CCN6: variants seen among roughly 807,000 people sequenced by gnomAD.
CCN6 encodes CCN family member 6.
CCN6 carries 31 observed loss-of-function variants against 37.4 expected under a neutral mutation model. The ratio of observed to expected loss-of-function variants is 0.83; its 90% CI spans 0.62 to 1.12. CCN6 has a LOEUF of 1.12. Among genes scored for constraint, CCN6 ranks in the 50% most tolerant of loss-of-function variants. The pLI, the probability that CCN6 is intolerant of heterozygous loss-of-function variation, is 0.00. For synonymous variants in CCN6, 137 were observed against 142.1 expected, an observed-to-expected ratio of 0.96 and a Z score of 0.26; for missense variants, 369 against 413.8, an observed-to-expected ratio of 0.89 and a Z score of 0.94.
At chr6:112,056,130 A>ATAAG (rs1776342142) in intron 1 of CCN6, among the ~76,000 whole-genome samples, 2 of 152,192 alleles carry the variant, frequency 1.3e-5, no homozygotes, top group African/African-American at 4.8e-5. Flanking sequence ...AGTGAAAAAT[A>ATAAG]TAAGATTCTT....
At position 112,061,065 on chromosome 6, in the gene CCN6, A is replaced by G. The variant is rs1554312727; in HGVS notation, c.123A>G (p.Ala41=). 6.2e-7 allele frequency: 1 copy of G among 1,614,188 alleles called. No individual in the cohort carries two copies. Among genetic ancestry groups the G allele is most frequent in the South Asian group, 1.1e-5 (1 of 91,088 alleles). ...PEGRPGEVSD[A]PQRKQFCHWP... is the part of the protein sequence containing the mutation. ...GAAGGCCTGGAGAAGTGTCAGATGC[A>G]CCTCAGCGTAAACAGTTTTGTCACT... Residue 41 remains alanine (A), a synonymous_variant, in exon 2 of 5, where the codon GCA becomes GCG. Coordinates refer to ENST00000368666, the MANE Select transcript of CCN6 (RefSeq NM_198239.2).
At position 112,064,866 on chromosome 6, in the gene CCN6, C is replaced by T. The variant is rs782423199; in HGVS notation, c.458C>T (p.Thr153Ile). 6.2e-7 allele frequency: 1 copy of T among 1,614,116 alleles called. No individual in the cohort carries two copies. Among genetic ancestry groups the T allele is most frequent in the South Asian group, 1.1e-5 (1 of 91,086 alleles). ...TGTGTGAGTGGGGCCATTGGATGCA[C>T]ACCTCTGTTCATACCAAAGCTGGCT... ...CLCVSGAIGC[T>I]PLFIPKLAGS... The change falls in exon 3 of 5, where the codon ACA (threonine) becomes ATA (isoleucine). Residue 153 changes from threonine to isoleucine, a missense_variant. Transcript: ENST00000368666.
intron 1 of CCN6, among the ~76,000 whole-genome samples, chr6:112,059,857 A>T (rs587677644): frequency 1.3e-5 from 2 of 152,244 alleles, no homozygotes; most frequent in Admixed American, 1.3e-4. Flanking sequence ...TGGTGCAGGT[A>T]TCAGAAAGTA....
At chr6:112,063,073 T>C (rs1276741023) in intron 2 of CCN6, among the ~76,000 whole-genome samples, 1 of 152,204 alleles carries the variant, frequency 6.6e-6, no homozygotes, top group Admixed American at 6.6e-5. Context: ...GTGTCATTGT[T>C]TTACATTTTT....
chr6:112,056,692 T>A (rs1183484632), intron 1 of CCN6, among the ~76,000 whole-genome samples: 2 of 152,096 alleles, frequency 1.3e-5, no homozygotes, highest in Admixed American at 1.3e-4. Flanking sequence ...AGTTTTTGTA[T>A]TTTTAGTAGA....
Position 112,054,121 on chromosome 6 carries a change from C to A in CCN6, c.-237C>A. The A allele has an allele frequency of 1.5e-6, 1 of 685,188 alleles. No individual in the cohort carries two copies. The allele number at this position is 685,188 out of a possible 1,614,324, so 42.4% of individuals were successfully genotyped here. A position where few individuals can be genotyped will look rare whatever the true frequency, so the allele number is the denominator to read the frequency against. ...GCTCGCCCATTCCTGACCTGTGACA[C>A]GCTCACTGCGAAGGCAGGTTATTAG... On this transcript the variant is annotated 5_prime_UTR_variant, in exon 1 of 5. Transcript: ENST00000368666.
chr6:112,052,942 C>A (rs1201389932), upstream of CCN6, among the ~76,000 whole-genome samples: 2 of 152,194 alleles, frequency 1.3e-5, no homozygotes, highest in Non-Finnish European at 2.9e-5. Context: ...TCAGCTCAGG[C>A]CTAAGCGAGG....
chr6:112,067,401 A>G lies in CCN6; in HGVS notation c.590-804A>G, dbSNP rs1308193307. On this transcript the variant is annotated intron_variant, in intron 3 of 4. Coordinates refer to ENST00000368666, the MANE Select transcript of CCN6 (RefSeq NM_198239.2). ...AAGAAGAAGCTCCCAGTGACCTTAC[A>G]TGGAAATGGGAGCATTATTAGACCC... 2.6e-5 allele frequency among the ~76,000 whole-genome samples: 4 copies of G among 152,136 alleles called. No individual in the cohort carries two copies. The East Asian group carries it at 5.8e-4, about 22-fold the overall frequency.
chr6:112,054,345 C>G lies in CCN6; in HGVS notation c.-13C>G. ...TTCTCTACCCCTCAGGGTGGCTCCA[C>G]GGTCCCAGCGACATGCAGGGGCTCC... On this transcript the variant is annotated 5_prime_UTR_variant, in exon 1 of 5. Coordinates refer to ENST00000368666, the MANE Select transcript of CCN6 (RefSeq NM_198239.2). 6.2e-7 allele frequency: 1 copy of G among 1,613,872 alleles called. No homozygotes were observed. The highest frequency in any genetic ancestry group is 1.3e-5 in the African/African-American group (1 of 74,934).
At chr6:112,062,232 G>A (rs1387734012) in intron 2 of CCN6, among the ~76,000 whole-genome samples, 1 of 152,170 alleles carries the variant, frequency 6.6e-6, no homozygotes, top group African/African-American at 2.4e-5. Flanking sequence ...TTGCTGGGAG[G>A]ATCAAATAAA....
Position 112,054,422 on chromosome 6 carries a change from G to C in CCN6, c.48+17G>C. On this transcript the variant is annotated intron_variant, in intron 1 of 4. Transcript: ENST00000368666. ...CTGGCACAGGTAAGTCCTCTCCCCC[G>C]ACTCTTTCCCTTCCGGAGGCTATGG... 6.2e-7 allele frequency: 1 copy of C among 1,611,202 alleles called. No individual in the cohort carries two copies. Among genetic ancestry groups the C allele is most frequent in the Non-Finnish European group, 8.5e-7 (1 of 1,178,570 alleles).
chr6:112,067,158 T>C (rs1554314176), intron 3 of CCN6: 2 of 648,528 alleles, frequency 3.1e-6, no homozygotes, highest in Non-Finnish European at 2.1e-6. Flanking sequence ...AAGAGACTAT[T>C]TCCTATGAAG....
intron 3 of CCN6, among the ~76,000 whole-genome samples, chr6:112,065,616 A>ACACGCGCG (rs1184326316): frequency 1.3e-4 from 13 of 101,880 alleles, no homozygotes; most frequent in African/African-American, 5.3e-4. Context: ...ACACGCACAC[A>ACACGCGCG]CACACGCACG....
intron 2 of CCN6, among the ~76,000 whole-genome samples, chr6:112,062,379 C>G (rs782194490): frequency 2.0e-5 from 3 of 152,174 alleles, no homozygotes; most frequent in African/African-American, 4.8e-5. Context: ...CCAAGCTAGG[C>G]AGGTTATTTC....
chr6:112,055,694 G>A (rs782310043), intron 1 of CCN6, among the ~76,000 whole-genome samples: 9 of 152,074 alleles, frequency 5.9e-5, no homozygotes, highest in Non-Finnish European at 7.4e-5. Flanking sequence ...GGGTTCAAGC[G>A]ATTGTTGTGC....
chr6:112,068,604 ACTT>A (rs1776771584), intron 4 of CCN6, among the ~76,000 whole-genome samples: 1 of 152,104 alleles, frequency 6.6e-6, no homozygotes. Context: ...GCAGATTCTA[ACTT>A]CTTTTTTCTA....
At chr6:112,067,006 G>GT in intron 3 of CCN6, 1 of 1,366,302 alleles carries the variant, frequency 7.3e-7, no homozygotes, top group South Asian at 1.1e-5. Context: ...CTGCATTGAG[G>GT]TCTTTAAACT....
At chr6:112,053,225 G>A (rs953058905), upstream of CCN6, among the ~76,000 whole-genome samples, 3 of 152,204 alleles carry the variant, frequency 2.0e-5, no homozygotes, top group Non-Finnish European at 4.4e-5. Context: ...GAGGAGATGC[G>A]CTGGTGGTCA....
In CCN6 at chr6:112,061,299, T is replaced by G; in HGVS notation, c.346+11T>G. The G allele has an allele frequency of 1.2e-6, 2 of 1,614,148 alleles. No homozygotes were observed. Among genetic ancestry groups the G allele is most frequent in the South Asian group, 2.2e-5 (2 of 91,084 alleles). The stretch of plus-strand genomic sequence containing the variant: ...CTGGAGTGTGTGCATGTAAGTGTCT[T>G]CTTCTGGACCTGCTGGAAAAGATTG... On this transcript the variant is annotated intron_variant, in intron 2 of 4. Transcript: ENST00000368666.
Sources: allele counts gnomAD v4.1 joint callset (sites outside exome capture counted in the v4.1 genomes callset), GRCh38; gene constraint gnomAD v4.1.1; transcripts MANE v1.5; gene names NCBI Gene and HGNC (gene_info 2026-07-23, HGNC 2026-07-21).